Variants in ACTN2 observed in about 807,000 individuals in gnomAD.
ACTN2 encodes the protein alpha-actinin-2.
In ACTN2, 39 loss-of-function variants were observed where a neutral mutation model predicts 113.8. The observed-to-expected ratio is 0.34, with a 90% CI of 0.27 to 0.45. The LOEUF (loss-of-function observed/expected upper bound fraction) is 0.45, where lower values mean the gene tolerates loss of function less well. ACTN2 is among the 20% of genes least tolerant of loss of function. ACTN2 has a pLI of 1.00. For missense variants in ACTN2, 992 were observed against 1,177.9 expected (o/e 0.84, Z 2.31); for synonymous variants, 429 against 444.1 (o/e 0.97, Z 0.43).
At chr1:236,711,605 C>T (rs911518631) in intron 1 of ACTN2, among the ~76,000 whole-genome samples, 4 of 152,210 alleles carry the variant, frequency 2.6e-5, no homozygotes, top group Admixed American at 6.5e-5. Flanking sequence ...CCACCTTGGC[C>T]TCCCAAAATG....
chr1:236,754,593 G>A lies in ACTN2; in HGVS notation c.1975-426G>A, dbSNP rs573829942. The stretch of plus-strand genomic sequence containing the variant: ...GAAATATTGACTTTTTTCTTAAAGC[G>A]GAGACCATGTAAAAATATAAGAAAT... On this transcript the variant is annotated intron_variant, in intron 16 of 20. Coordinates refer to ENST00000366578, the MANE Select transcript of ACTN2 (RefSeq NM_001103.4). The surrounding 1 kb of genome is among the most constrained non-coding windows in gnomAD (Gnocchi z 4.9). 4.6e-5 allele frequency among the ~76,000 whole-genome samples: 7 copies of A among 152,196 alleles called. No individual in the cohort carries two copies. The East Asian group carries it at 7.7e-4, about 17-fold the overall frequency.
chr1:236,707,947 G>A (rs1339483165), intron 1 of ACTN2, among the ~76,000 whole-genome samples: 2 of 151,676 alleles, frequency 1.3e-5, no homozygotes, highest in Non-Finnish European at 2.9e-5. Flanking sequence ...CCTAGACCTC[G>A]TGATCCACCC....
rs1658269408 is a variant in ACTN2, at chr1:236,717,907, T to C, written c.176T>C (p.Ile59Thr). ...NSHLRKAGTQ[I>T]ENIEEDFRNG... ...CACCTAAGGAAAGCCGGCACCCAGA[T>C]TGAGAACATCGAGGAAGACTTCAGG... Residue 59 changes from isoleucine (I) to threonine (T), a missense_variant, in exon 2 of 21, where the codon ATT (isoleucine) becomes ACT (threonine). Physicochemically the swap from Ile to Thr is moderately conservative, Grantham distance 89. Transcript: ENST00000366578. 6.2e-7 allele frequency: 1 copy of C among 1,614,028 alleles called. No individual in the cohort carries two copies. Among genetic ancestry groups the C allele is most frequent in the Admixed American group, 1.7e-5 (1 of 59,984 alleles).
intron 20 of ACTN2, 81 bp downstream of exon 20, chr1:236,761,254 A>G: frequency 6.5e-7 from 1 of 1,546,630 alleles, no homozygotes; most frequent in Non-Finnish European, 8.9e-7. Flanking sequence ...TGTTGTAAAT[A>G]AAAACCATTT....
intron 8 of ACTN2, chr1:236,736,437 G>A: frequency 1.6e-6 from 1 of 634,742 alleles, no homozygotes; most frequent in Admixed American, 3.1e-5. Context: ...AGCCAGTTAG[G>A]CAAGCTTCTC....
At chr1:236,761,584 A>AC (rs1198139612) in intron 20 of ACTN2, among the ~76,000 whole-genome samples, 1 of 152,190 alleles carries the variant, frequency 6.6e-6, no homozygotes, top group East Asian at 1.9e-4. Flanking sequence ...AATGACCCTG[A>AC]CTTTGTGCCC....
chr1:236,712,734 G>A (rs1658066242), intron 1 of ACTN2, among the ~76,000 whole-genome samples: 2 of 152,042 alleles, frequency 1.3e-5, no homozygotes, highest in South Asian at 4.1e-4. Flanking sequence ...AGGAAGCTTG[G>A]GATTTCATGA....
chr1:236,759,926 G>A, intron 19 of ACTN2, 137 bp downstream of exon 19: 2 of 786,440 alleles, frequency 2.5e-6, no homozygotes, highest in Non-Finnish European at 4.3e-6. Context: ...AATATTTTTT[G>A]AAGGTCTCAC....
intron 10 of ACTN2, among the ~76,000 whole-genome samples, chr1:236,741,834 A>G (rs999732047): frequency 2.0e-5 from 3 of 152,142 alleles, no homozygotes; most frequent in Non-Finnish European, 4.4e-5. Flanking sequence ...CTTTCTTCTC[A>G]AAACCCTCCA....
chr1:236,715,338 A>G (rs1652227), intron 1 of ACTN2, among the ~76,000 whole-genome samples: 135,030 of 135,962 alleles, frequency 0.99, 67,057 homozygotes, highest in Middle Eastern at 1. Context: ...TTGAAGTTTT[A>G]TACCAAAGAA....
At chr1:236,745,442 A>G (rs1659204294) in intron 12 of ACTN2, among the ~76,000 whole-genome samples, 1 of 152,194 alleles carries the variant, frequency 6.6e-6, no homozygotes, top group Non-Finnish European at 1.5e-5. Flanking sequence ...TCAAAAAAAC[A>G]AAAAACAAAA....
intron 8 of ACTN2, chr1:236,736,722 A>T (rs1374902457): frequency 9.0e-7 from 1 of 1,111,080 alleles, no homozygotes. Context: ...CCAAAGGCTA[A>T]TGTTATTCAG....
intron 13 of ACTN2, among the ~76,000 whole-genome samples, chr1:236,748,533 C>G (rs1025739117): frequency 6.6e-6 from 1 of 152,158 alleles, no homozygotes; most frequent in Non-Finnish European, 1.5e-5. Flanking sequence ...CTTCTGCCCC[C>G]ACTTGTCTGC....
Position 236,707,601 on chromosome 1 carries a change from C to G in ACTN2, c.127-10257C>G, listed in dbSNP as rs904859479. On this transcript the variant is annotated intron_variant, in intron 1 of 20. Transcript: ENST00000366578. ...TTTCTATGGCACATAGAAATGTTTC[C>G]TAGTCGCTTATAATCCATCATACCT... 2.6e-5 allele frequency among the ~76,000 whole-genome samples: 4 copies of G among 151,984 alleles called. No homozygotes were observed. The East Asian group carries it at 7.7e-4, about 29-fold the overall frequency.
At position 236,757,423 on chromosome 1, in the gene ACTN2, A is replaced by G. The variant is rs1027887944; in HGVS notation, c.2155-63A>G. ...GAGTCGGCTGTACTGTTATGAAAGTAAAGAGGCAGAGTTGACATGCTGGAG... is the reference window on the plus strand; with the variant it reads ...GAGTCGGCTGTACTGTTATGAAAGTGAAGAGGCAGAGTTGACATGCTGGAG... On this transcript the variant is annotated intron_variant, in intron 17 of 20. Coordinates refer to ENST00000366578, the MANE Select transcript of ACTN2 (RefSeq NM_001103.4). 2.1e-5 allele frequency: 33 copies of G among 1,605,282 alleles called. No homozygotes were observed. In the Admixed American group the frequency reaches 5.5e-4, roughly 27 times the overall value.
At chr1:236,744,559 T>C (rs2102929656) in intron 11 of ACTN2, 67 bp from the exon 12 acceptor site, 1 of 1,579,688 alleles carries the variant, frequency 6.3e-7, no homozygotes, top group South Asian at 1.1e-5. Flanking sequence ...TCCCTGAGAA[T>C]GTGGCTGGCA....
chr1:236,686,790 G>A lies in ACTN2; in HGVS notation c.117G>A (p.Gln39=), dbSNP rs530707458. Residue 39 remains glutamine, a synonymous_variant, in exon 1 of 21, where the codon CAG becomes CAA. Transcript: ENST00000366578. ...DLLLDPAWEK[Q]QRKTFTAWCN... ...TCCTGGACCCAGCCTGGGAGAAGCAGCAGAGGAAGGTCAGCAGGGGCCCGC... is the reference window on the plus strand; with the variant it reads ...TCCTGGACCCAGCCTGGGAGAAGCAACAGAGGAAGGTCAGCAGGGGCCCGC... 1.3e-6 allele frequency: 2 copies of A among 1,520,650 alleles called. No homozygotes were observed. The highest frequency in any genetic ancestry group is 2.9e-5 in the African/African-American group (2 of 69,702). The allele number at this position is 1,520,650 out of a possible 1,614,324, so 94.2% of individuals were successfully genotyped here.
chr1:236,757,226 C>T (rs373366449), intron 17 of ACTN2, among the ~76,000 whole-genome samples: 1,534 of 73,398 alleles, frequency 0.021, no homozygotes, highest in East Asian at 0.038. Flanking sequence ...CCGCTGCCAC[C>T]GTTAGAACCC....
At chr1:236,712,772 G>A (rs1658067820) in intron 1 of ACTN2, among the ~76,000 whole-genome samples, 1 of 152,148 alleles carries the variant, frequency 6.6e-6, no homozygotes, top group African/African-American at 2.4e-5. Context: ...ATCCAGAAGT[G>A]CTTCTGATGC....
Sources: gnomAD v4.1 joint callset for allele counts (sites outside exome capture counted in the v4.1 genomes callset) on GRCh38, gnomAD v4.1.1 for gene constraint, Gnocchi (gnomAD v3.1) non-coding constraint, MANE v1.5 for transcripts, NCBI Gene and HGNC (gene_info 2026-07-23, HGNC 2026-07-21) for gene names.